The following ST6GALNAC3 variants were observed in gnomAD, a reference collection of about 807,000 sequenced individuals.
ST6GALNAC3 encodes the protein ST6 N-acetylgalactosaminide alpha-2,6-sialyltransferase 3.
A neutral mutation model predicts 32.7 loss-of-function variants in ST6GALNAC3; 25 were observed. That is an observed-to-expected ratio of 0.76 (90% CI 0.56 to 1.07). ST6GALNAC3 has a LOEUF of 1.07. Ranked by LOEUF, ST6GALNAC3 falls within the 50% of genes least tolerant of loss-of-function variation. ST6GALNAC3 has a pLI of 0.00. For synonymous variants in ST6GALNAC3, 129 were observed against 133.1 expected (o/e 0.97, Z 0.21); for missense variants, 355 against 382.4 (o/e 0.93, Z 0.60).
intron 1 of ST6GALNAC3, among the ~76,000 whole-genome samples, chr1:76,252,939 T>A (rs1456684983): frequency 6.6e-6 from 1 of 152,114 alleles, no homozygotes; most frequent in African/African-American, 2.4e-5. Context: ...CATGAACCAG[T>A]CAATCAGATT....
intron 2 of ST6GALNAC3, among the ~76,000 whole-genome samples, chr1:76,344,886 C>T (rs1045600941): frequency 1.3e-5 from 2 of 152,152 alleles, no homozygotes; most frequent in African/African-American, 2.4e-5. Context: ...TAATGTTTCT[C>T]TACTGCCCTG....
intron 3 of ST6GALNAC3, among the ~76,000 whole-genome samples, chr1:76,587,200 G>C (rs947588802): frequency 2.6e-5 from 4 of 152,164 alleles, no homozygotes; most frequent in African/African-American, 7.2e-5. Context: ...TAAATGAGAG[G>C]AGACAAGGAA....
chr1:76,439,699 G>A (rs1479074362), intron 3 of ST6GALNAC3, among the ~76,000 whole-genome samples: 1 of 152,122 alleles, frequency 6.6e-6, no homozygotes, highest in Non-Finnish European at 1.5e-5. Context: ...CACTAGTTAA[G>A]CACAGACTAA....
At position 76,076,013 on chromosome 1, in the gene ST6GALNAC3, G is replaced by T. The variant is rs533075839; in HGVS notation, c.18+1129G>T. Among the ~76,000 whole-genome samples, 10 of 152,300 alleles carry T rather than the reference G, an allele frequency of 6.6e-5. No homozygotes were observed. The South Asian group carries it at 1.9e-3, about 28-fold the overall frequency. The stretch of plus-strand genomic sequence containing the variant: ...AAAATAAGAGACTAACCTCGTAGAA[G>T]TTGTTTCCCCTTCTTTGCGTAAAGG... On this transcript the variant is annotated intron_variant, in intron 1 of 4. Transcript: ENST00000328299.
At chr1:76,433,989 A>C (rs1476272026) in intron 3 of ST6GALNAC3, among the ~76,000 whole-genome samples, 1 of 152,126 alleles carries the variant, frequency 6.6e-6, no homozygotes, top group African/African-American at 2.4e-5. Context: ...ATTCTTATTG[A>C]TTGCTCTTAC....
chr1:76,581,581 G>T (rs1001447115), intron 3 of ST6GALNAC3, among the ~76,000 whole-genome samples: 1 of 152,062 alleles, frequency 6.6e-6, no homozygotes, highest in Non-Finnish European at 1.5e-5. Flanking sequence ...CATTTTTACT[G>T]TACTCACTCC....
intron 1 of ST6GALNAC3, among the ~76,000 whole-genome samples, chr1:76,112,610 C>T (rs1648114955): frequency 1.3e-5 from 2 of 151,564 alleles, no homozygotes; most frequent in Non-Finnish European, 2.9e-5. Flanking sequence ...AGGGGCTCCT[C>T]ACTTCTCAGA....
chr1:76,597,128 A>G (rs1453984411), intron 3 of ST6GALNAC3, among the ~76,000 whole-genome samples: 6 of 152,140 alleles, frequency 3.9e-5, no homozygotes, highest in Non-Finnish European at 8.8e-5. Flanking sequence ...GATCAATGTT[A>G]GGAAGCTTGC....
chr1:76,297,383 G>A (rs1182051904), intron 1 of ST6GALNAC3, among the ~76,000 whole-genome samples: 1 of 151,860 alleles, frequency 6.6e-6, no homozygotes, highest in African/African-American at 2.4e-5. Flanking sequence ...CAAATAATAA[G>A]TTTCCAGAGC....
chr1:76,091,712 C>A (rs575711687), intron 1 of ST6GALNAC3, among the ~76,000 whole-genome samples: 1 of 152,088 alleles, frequency 6.6e-6, no homozygotes, highest in Admixed American at 6.5e-5. Flanking sequence ...GTTATTATAC[C>A]TATAGTATAT....
At chr1:76,596,340 A>T (rs1647136874) in intron 3 of ST6GALNAC3, among the ~76,000 whole-genome samples, 1 of 152,134 alleles carries the variant, frequency 6.6e-6, no homozygotes, top group Admixed American at 6.6e-5. Flanking sequence ...TCCGAGGCCG[A>T]GATCATGTCT....
At chr1:76,426,877 C>T (rs906352846) in intron 3 of ST6GALNAC3, among the ~76,000 whole-genome samples, 3 of 151,902 alleles carry the variant, frequency 2.0e-5, no homozygotes, top group African/African-American at 7.3e-5. Flanking sequence ...GTCATATATG[C>T]GGCTCATCTC....
In ST6GALNAC3 at chr1:76,496,306, A is replaced by G. The variant is rs796326643; in HGVS notation, c.623+83889A>G. ...TATCACACGCCAGTGATTCAGCTGG[A>G]GAAGCTAAGGCAGAAGGCAATTATG... On this transcript the variant is annotated intron_variant, in intron 3 of 4. Coordinates refer to ENST00000328299, the MANE Select transcript of ST6GALNAC3 (RefSeq NM_152996.4). Among the ~76,000 whole-genome samples, 45 of 152,294 alleles carry G rather than the reference A, an allele frequency of 3.0e-4. 1 individual carries two copies. Among genetic ancestry groups the G allele is most frequent in the African/African-American group, 1.0e-3 (42 of 41,576 alleles).
intron 2 of ST6GALNAC3, among the ~76,000 whole-genome samples, chr1:76,392,479 G>A (rs1301318388): frequency 1.3e-5 from 2 of 152,204 alleles, no homozygotes; most frequent in Non-Finnish European, 2.9e-5. Context: ...GATGAAAAGT[G>A]CTATTTTAAT....
chr1:76,208,104 C>T (rs1215448492), intron 1 of ST6GALNAC3, among the ~76,000 whole-genome samples: 2 of 99,316 alleles, frequency 2.0e-5, no homozygotes, highest in African/African-American at 2.9e-5. Flanking sequence ...CTCAGGGACT[C>T]AGGATCCTGT....
At chr1:76,176,393 T>C (rs1652855889) in intron 1 of ST6GALNAC3, among the ~76,000 whole-genome samples, 1 of 152,220 alleles carries the variant, frequency 6.6e-6, no homozygotes, top group African/African-American at 2.4e-5. Context: ...TTTTGAGTAG[T>C]CATTTTTTCT....
intron 2 of ST6GALNAC3, among the ~76,000 whole-genome samples, chr1:76,346,772 A>G (rs534738280): frequency 6.6e-6 from 1 of 152,310 alleles, no homozygotes; most frequent in East Asian, 1.9e-4. Flanking sequence ...GGCTGGATAA[A>G]TGGAAATAAT....
intron 1 of ST6GALNAC3, among the ~76,000 whole-genome samples, chr1:76,239,792 A>G (rs549816241): frequency 6.6e-6 from 1 of 152,346 alleles, no homozygotes; most frequent in African/African-American, 2.4e-5. Flanking sequence ...TGGTACGGAA[A>G]CATCAACTTC....
intron 3 of ST6GALNAC3, among the ~76,000 whole-genome samples, chr1:76,505,085 A>G (rs1014783199): frequency 6.6e-6 from 1 of 151,864 alleles, no homozygotes; most frequent in African/African-American, 2.4e-5. Flanking sequence ...TAGTAGAAGC[A>G]TTATTTTTAG....
Sources: gnomAD v4.1 joint callset for allele counts (sites outside exome capture counted in the v4.1 genomes callset) on GRCh38, gnomAD v4.1.1 for gene constraint, MANE v1.5 for transcripts, NCBI Gene and HGNC (gene_info 2026-07-23, HGNC 2026-07-21) for gene names.